The following KIF2A variants were observed in gnomAD, a reference collection of about 807,000 sequenced individuals.
The protein encoded by KIF2A is kinesin family member 2A, also known as kinesin-like protein KIF2A.
KIF2A carries 22 observed loss-of-function variants against 100.2 expected under a neutral mutation model. The observed-to-expected ratio is 0.22, with a 90% CI of 0.16 to 0.31. KIF2A has a LOEUF of 0.31. KIF2A is among the 10% of genes least tolerant of loss of function. KIF2A has a pLI of 1.00. For missense variants in KIF2A, 495 were observed against 898.7 expected (o/e 0.55, Z 5.74); for synonymous variants, 268 against 285.9 (o/e 0.94, Z 0.63).
Position 62,340,002 on chromosome 5 carries a change from G to A in KIF2A, c.65-7128G>A, listed in dbSNP as rs145500552. Among the ~76,000 whole-genome samples the A allele has an allele frequency of 7.2e-3, 1,078 of 149,294 alleles. 11 individuals carry two copies. Among genetic ancestry groups the A allele is most frequent in the African/African-American group, 0.025 (1,024 of 40,392 alleles). On this transcript the variant is annotated intron_variant, in intron 1 of 20. Transcript: ENST00000407818. ...TGTCCAGGCTGGAGTGCAATGGCGC[G>A]ATCTTGGCTCACTGCAACCTCTGCC...
intron 19 of KIF2A, among the ~76,000 whole-genome samples, chr5:62,379,925 T>C (rs1482921304): frequency 6.6e-6 from 1 of 152,190 alleles, no homozygotes; most frequent in Non-Finnish European, 1.5e-5. Context: ...ACAGTCTCGC[T>C]CTGTCGCCCA....
At position 62,389,005 on chromosome 5, in the gene KIF2A, A is replaced by G. The variant is rs765563136; in HGVS notation, c.*3436A>G. Reference sequence around the variant, plus strand: ...TGACCTTGAAAATTTCTGTTTTCCAAATACCTAGGAAAAATGAATACCTTC... The same window carrying G: ...TGACCTTGAAAATTTCTGTTTTCCAGATACCTAGGAAAAATGAATACCTTC... On this transcript the variant is annotated 3_prime_UTR_variant, in exon 21 of 21. Coordinates refer to ENST00000407818, the MANE Select transcript of KIF2A (RefSeq NM_001098511.3). 3 of 1,605,542 alleles carry G rather than the reference A, an allele frequency of 1.9e-6. No individual in the cohort carries two copies. The highest frequency in any genetic ancestry group is 2.5e-6 in the Non-Finnish European group (3 of 1,177,558).
chr5:62,326,693 G>T (rs1385041904), intron 1 of KIF2A, among the ~76,000 whole-genome samples: 1 of 143,366 alleles, frequency 7.0e-6, no homozygotes, highest in Non-Finnish European at 1.5e-5. Flanking sequence ...TCTCCCATCC[G>T]AAAAAAAAAA....
intron 12 of KIF2A, among the ~76,000 whole-genome samples, chr5:62,362,951 C>A (rs1168657845): frequency 1.3e-5 from 2 of 152,160 alleles, no homozygotes; most frequent in African/African-American, 4.8e-5. Flanking sequence ...CTCAGCTTTC[C>A]TAGTAGCTGC....
At chr5:62,361,812 A>G (rs1369942076) in intron 11 of KIF2A, among the ~76,000 whole-genome samples, 1 of 151,818 alleles carries the variant, frequency 6.6e-6, no homozygotes, top group Non-Finnish European at 1.5e-5. Flanking sequence ...ACTTGAGGTC[A>G]GGAGTTCGAG....
intron 14 of KIF2A, among the ~76,000 whole-genome samples, chr5:62,364,790 C>G (rs1740987716): frequency 6.6e-6 from 1 of 152,084 alleles, no homozygotes. Flanking sequence ...ATGGGAACAT[C>G]TACACTATGC....
At chr5:62,369,656 G>C (rs894248071) in intron 16 of KIF2A, among the ~76,000 whole-genome samples, 1 of 146,850 alleles carries the variant, frequency 6.8e-6, no homozygotes, top group Admixed American at 6.9e-5. Flanking sequence ...CCAATGTTTT[G>C]TGACCTTAAG....
At chr5:62,321,807 C>T (rs943225267) in intron 1 of KIF2A, among the ~76,000 whole-genome samples, 1 of 152,070 alleles carries the variant, frequency 6.6e-6, no homozygotes, top group African/African-American at 2.4e-5. Context: ...GATCCGCCCA[C>T]CTTGGCCTCC....
intron 1 of KIF2A, among the ~76,000 whole-genome samples, chr5:62,320,767 T>C (rs1359460896): frequency 7.2e-5 from 11 of 152,280 alleles, no homozygotes; most frequent in East Asian, 1.9e-4. Context: ...GAGAAATAAA[T>C]ATTATAGTTT....
rs571600945 is a variant in KIF2A, at chr5:62,319,604, C to T, written c.64+13068C>T. On this transcript the variant is annotated intron_variant, in intron 1 of 20. Transcript: ENST00000407818. ...TCAGACTCAAGTTCCTTTATATTCC[C>T]CACTGCCTAGCACAGGCACTCTGCA... Among the ~76,000 whole-genome samples, 144 of 152,274 alleles carry T rather than the reference C, an allele frequency of 9.5e-4. 1 individual carries two copies. The Middle Eastern group carries it at 0.01, about 11-fold the overall frequency.
rs1466644133 is a variant in KIF2A at position 62,352,568 on chromosome 5, T to G, written c.335-20T>G. ...CTAATTTTCTATCCTGAATTTAAAATTTTTTTTTTTTACTTACAGTGGTTG... is the reference window on the plus strand; with the variant it reads ...CTAATTTTCTATCCTGAATTTAAAAGTTTTTTTTTTTACTTACAGTGGTTG... On this transcript the variant is annotated intron_variant, in intron 4 of 20. Transcript: ENST00000407818. 1.5e-6 allele frequency: 1 copy of G among 686,274 alleles called. No homozygotes were observed. Among genetic ancestry groups the G allele is most frequent in the Non-Finnish European group, 2.0e-6 (1 of 498,538 alleles). 42.5% of individuals were successfully genotyped at this position (686,274 alleles called of 1,614,324 possible). A position where few individuals can be genotyped will look rare whatever the true frequency, so the allele number is the denominator to read the frequency against.
chr5:62,314,634 T>C (rs1018562451), intron 1 of KIF2A, among the ~76,000 whole-genome samples: 8 of 152,228 alleles, frequency 5.3e-5, no homozygotes, highest in African/African-American at 1.9e-4. Context: ...AGACTTTTTC[T>C]CCAGGTTTTT....
At chr5:62,345,758 A>G (rs1381486517) in intron 1 of KIF2A, among the ~76,000 whole-genome samples, 1 of 152,132 alleles carries the variant, frequency 6.6e-6, no homozygotes, top group Non-Finnish European at 1.5e-5. Flanking sequence ...TCTGTACTAT[A>G]TATCTGTTTT....
In KIF2A at chr5:62,361,264, G is replaced by A; in HGVS notation, c.895G>A (p.Glu299Lys). 6.2e-7 allele frequency: 1 copy of A among 1,604,566 alleles called. No individual in the cohort carries two copies. The highest frequency in any genetic ancestry group is 8.5e-7 in the Non-Finnish European group (1 of 1,174,350). ...VYRFTARPLV[E>K]TIFERGMATC... ...AAGGTTTACTGCTAGACCACTAGTG[G>A]AAACTATATTTGAAAGGGGAATGGC... Residue 299 changes from glutamate to lysine, a missense_variant, in exon 10 of 21, where the codon GAA becomes AAA. Transcript: ENST00000407818.
chr5:62,379,551 A>G (rs562901600), intron 19 of KIF2A, among the ~76,000 whole-genome samples: 7 of 152,142 alleles, frequency 4.6e-5, no homozygotes, highest in Middle Eastern at 3.4e-3. Context: ...AATCCCAGCT[A>G]CTTGGGAGGC....
chr5:62,312,605 A>C (rs896876860), intron 1 of KIF2A, among the ~76,000 whole-genome samples: 1 of 152,222 alleles, frequency 6.6e-6, no homozygotes, highest in Non-Finnish European at 1.5e-5. Context: ...GATAAAACTA[A>C]TTTTTATTCT....
chr5:62,362,039 A>G (rs533676613), intron 11 of KIF2A, among the ~76,000 whole-genome samples: 1 of 151,970 alleles, frequency 6.6e-6, no homozygotes, highest in African/African-American at 2.4e-5. Flanking sequence ...CTCAAAAAAA[A>G]AAAAAAGAAC....
At position 62,369,368 on chromosome 5, in the gene KIF2A, G is replaced by T. The variant is rs148071277; in HGVS notation, c.1646+2887G>T. 1.1e-4 allele frequency among the ~76,000 whole-genome samples: 17 copies of T among 152,296 alleles called. No individual in the cohort carries two copies. In the East Asian group the frequency reaches 2.5e-3, roughly 22 times the overall value. On this transcript the variant is annotated intron_variant, in intron 16 of 20. Coordinates refer to ENST00000407818, the MANE Select transcript of KIF2A (RefSeq NM_001098511.3). Reference sequence around the variant, plus strand: ...AGCAAGGCACCTTCACCAGGCAGCAGGAAGGAGAAGTGCCAAGCAAACTGG... The same window carrying T: ...AGCAAGGCACCTTCACCAGGCAGCATGAAGGAGAAGTGCCAAGCAAACTGG...
At chr5:62,385,380 T>A (rs1290292633) in intron 20 of KIF2A, 104 bp from the exon 21 acceptor site, 2 of 721,654 alleles carry the variant, frequency 2.8e-6, no homozygotes, top group Admixed American at 4.9e-5. Flanking sequence ...AATACTGAGT[T>A]ACTGTTAGGA....
Sources: gnomAD v4.1 joint callset for allele counts (sites outside exome capture counted in the v4.1 genomes callset) on GRCh38, gnomAD v4.1.1 for gene constraint, MANE v1.5 for transcripts, NCBI Gene and HGNC (gene_info 2026-07-23, HGNC 2026-07-21) for gene names.